The following NEB variants were observed in gnomAD, a reference collection of about 807,000 sequenced individuals.
NEB encodes nebulin.
In NEB, 512 loss-of-function variants were observed where a neutral mutation model predicts 952.2. The observed-to-expected ratio is 0.54, with a 90% CI of 0.50 to 0.58. The LOEUF is 0.58. Ranked by LOEUF, NEB falls within the 20% of genes least tolerant of loss-of-function variation. The probability of loss-of-function intolerance (pLI) is 0.00; values close to 1 mark genes in which losing one functional copy is unlikely to be tolerated. For synonymous variants in NEB, 2,900 were observed against 3,149.8 expected (o/e 0.92, Z 2.66); for missense variants, 8,428 against 9,231.1 (o/e 0.91, Z 3.56).
chr2:151,550,251 A>G (rs949105356), intron 129 of NEB, among the ~76,000 whole-genome samples: 1 of 126,870 alleles, frequency 7.9e-6, no homozygotes, highest in African/African-American at 3.0e-5. Context: ...TGGGAGACAG[A>G]GGAGACCCTG....
chr2:151,571,239 C>T (rs1346669656), intron 107 of NEB, among the ~76,000 whole-genome samples: 1 of 152,194 alleles, frequency 6.6e-6, no homozygotes, highest in Non-Finnish European at 1.5e-5. Flanking sequence ...TCCTGACCCT[C>T]AGGTGATCCA....
At chr2:151,635,369 A>C (rs1417917631) in intron 64 of NEB, among the ~76,000 whole-genome samples, 1 of 152,118 alleles carries the variant, frequency 6.6e-6, no homozygotes, top group Non-Finnish European at 1.5e-5. Flanking sequence ...TCCCTGAGGC[A>C]CCAGAAAAGG....
chr2:151,631,485 G>A, intron 65 of NEB, 139 bp from the exon 66 acceptor site: 2 of 913,358 alleles, frequency 2.2e-6, no homozygotes, highest in South Asian at 2.1e-5. Context: ...CAAACTAAAA[G>A]AATTATGCTC....
intron 20 of NEB, among the ~76,000 whole-genome samples, chr2:151,692,864 G>T (rs2099569576): frequency 6.6e-6 from 1 of 152,116 alleles, no homozygotes; most frequent in Non-Finnish European, 1.5e-5. Context: ...CAGCTACTTG[G>T]GAGGCTGAGG....
chr2:151,698,061 G>A (rs1377234756), intron 13 of NEB, among the ~76,000 whole-genome samples: 6 of 112,606 alleles, frequency 5.3e-5, no homozygotes, highest in Admixed American at 1.0e-4. Context: ...GCGAGACTCC[G>A]TCTCAAAACA....
At chr2:151,515,221 ACT>A (rs1300659830) in intron 157 of NEB, among the ~76,000 whole-genome samples, 1 of 152,054 alleles carries the variant, frequency 6.6e-6, no homozygotes, top group African/African-American at 2.4e-5. Flanking sequence ...CACCATCAGG[ACT>A]CTGAATCCTC....
rs1385355666 is a variant in NEB, at chr2:151,677,783, G to T, written c.3568-12C>A. 6.2e-7 allele frequency: 1 copy of T among 1,613,716 alleles called. No individual in the cohort carries two copies. Among genetic ancestry groups the T allele is most frequent in the Admixed American group, 1.7e-5 (1 of 60,022 alleles). On this transcript the variant is annotated splice_polypyrimidine_tract_variant and intron_variant, in intron 33 of 181. Transcript: ENST00000397345. Reference sequence around the variant, plus strand: ...TCCTTGTAGACGTTCTACAGCAATGGAGAAAAGAGGAGTGAGGGCCTAGGA... The same window carrying T: ...TCCTTGTAGACGTTCTACAGCAATGTAGAAAAGAGGAGTGAGGGCCTAGGA...
chr2:151,535,586 G>A (rs2093007405), intron 142 of NEB, 105 bp downstream of exon 142: 1 of 638,526 alleles, frequency 1.6e-6, no homozygotes, highest in Non-Finnish European at 2.6e-6. Flanking sequence ...GAAAACTTAG[G>A]ATGGCTTTCC....
intron 96 of NEB, 141 bp downstream of exon 96, chr2:151,591,207 T>TAC (rs758114159): frequency 3.4e-6 from 2 of 580,638 alleles, no homozygotes; most frequent in African/African-American, 2.3e-5. Flanking sequence ...ATTGTAAGAG[T>TAC]TGTTCTTGAA....
At chr2:151,547,587 A>C in intron 132 of NEB, 47 bp downstream of exon 132, 1 of 1,603,062 alleles carries the variant, frequency 6.2e-7, no homozygotes, top group Non-Finnish European at 8.5e-7. Context: ...AATGATTAAC[A>C]TTCATCCCTA....
chr2:151,609,526 C>T lies in NEB; in HGVS notation c.12330+283G>A, dbSNP rs545129051. ...ATTAGATTCCATTTTAATCCTGTGGCAATTGACCCAAGGAAATGCTGTTTA... is the reference window on the plus strand; with the variant it reads ...ATTAGATTCCATTTTAATCCTGTGGTAATTGACCCAAGGAAATGCTGTTTA... On this transcript the variant is annotated intron_variant, in intron 81 of 181. Transcript: ENST00000397345. 4.1e-3 allele frequency among the ~76,000 whole-genome samples: 625 copies of T among 152,200 alleles called. 3 individuals are homozygous for T. Among genetic ancestry groups the T allele is most frequent in the African/African-American group, 0.014 (588 of 41,532 alleles).
At chr2:151,500,261 A>G (rs1227608703) in intron 168 of NEB, among the ~76,000 whole-genome samples, 1 of 152,162 alleles carries the variant, frequency 6.6e-6, no homozygotes, top group East Asian at 1.9e-4. Context: ...TCAAAGAATC[A>G]AACTTTTAGA....
At chr2:151,685,727 C>A (rs1265123012) in intron 27 of NEB, among the ~76,000 whole-genome samples, 1 of 152,196 alleles carries the variant, frequency 6.6e-6, no homozygotes, top group Non-Finnish European at 1.5e-5. Context: ...CTAGTTGGGT[C>A]AAATTCCCAG....
At position 151,526,918 on chromosome 2, in the gene NEB, A is replaced by G; in HGVS notation, c.21945T>C (p.Asp7315=). 1 of 1,580,292 alleles carries G rather than the reference A, an allele frequency of 6.3e-7. No individual in the cohort carries two copies. The highest frequency in any genetic ancestry group is 8.6e-7 in the Non-Finnish European group (1 of 1,158,618). The part of the protein sequence containing the change: ...LALRNTLIES[D]LKYKEKHVKE... ...ATCATGGAAGGAACTAGGTACTTAC[A>G]TCACTTTCTATTAAAGTATTCCTGA... is the stretch of plus-strand genomic sequence containing the variant. The change falls in exon 148 of 182, where the codon GAT becomes GAC. Residue 7315 remains aspartate (D), a splice_region_variant and synonymous_variant. Transcript: ENST00000397345.
Position 151,655,859 on chromosome 2 carries a change from C to T in NEB, c.6660G>A (p.Met2220Ile), listed in dbSNP as rs199766131. Residue 2220 changes from methionine (M) to isoleucine (I), a missense_variant, in exon 50 of 182, where the codon ATG becomes ATA. Transcript: ENST00000397345. ...NFQFKKLTDS[M>I]DMVLAKQNAH... Reference sequence around the variant, plus strand: ...CATTCTGCTTGGCAAGCACCATGTCCATGGAATCAGTCAGCTTCTTAAACT... The same window carrying T: ...CATTCTGCTTGGCAAGCACCATGTCTATGGAATCAGTCAGCTTCTTAAACT... 5.0e-6 allele frequency: 8 copies of T among 1,613,746 alleles called. No homozygotes were observed. The highest frequency in any genetic ancestry group is 6.8e-6 in the Non-Finnish European group (8 of 1,179,760).
At position 151,607,217 on chromosome 2, in the gene NEB, T is replaced by A. The variant is rs1425237514; in HGVS notation, c.12639+287A>T. On this transcript the variant is annotated intron_variant, in intron 83 of 181. Transcript: ENST00000397345. ...TCAAATGAAAAAGTCCTGGATCAAT[T>A]AAAAAAACCTAAGATGATAACAGAG... 2.6e-4 allele frequency among the ~76,000 whole-genome samples: 27 copies of A among 103,350 alleles called. 8 individuals are homozygous for A. Among genetic ancestry groups the A allele is most frequent in the Admixed American group, 9.1e-4 (7 of 7,734 alleles). The allele number at this position is 103,350 out of a possible 152,430, so 67.8% of individuals were successfully genotyped here.
intron 12 of NEB, among the ~76,000 whole-genome samples, chr2:151,709,439 T>C (rs1466299201): frequency 2.0e-5 from 3 of 152,236 alleles, no homozygotes; most frequent in African/African-American, 7.2e-5. Flanking sequence ...GCAAAACATT[T>C]TTAGTAGCCC....
intron 127 of NEB, among the ~76,000 whole-genome samples, chr2:151,553,131 T>A (rs2095433699): frequency 6.6e-6 from 1 of 152,188 alleles, no homozygotes; most frequent in South Asian, 2.1e-4. Flanking sequence ...TAAGTGCTTG[T>A]TAATATATCC....
chr2:151,561,087 G>A lies in NEB; in HGVS notation c.19123C>T (p.His6375Tyr). 1.3e-6 allele frequency: 2 copies of A among 1,594,582 alleles called. No homozygotes were observed. The highest frequency in any genetic ancestry group is 1.7e-6 in the Non-Finnish European group (2 of 1,168,454). ...GTTGTGTATTTGTCCTTAATCTGAT[G>A]ATAATTTTCTTTATATTTTACCTGT... ...ASEVKYKENY[H>Y]QIKDKYTTVL... Residue 6375 changes from histidine (H) to tyrosine (Y), a missense_variant, in exon 123 of 182, where the codon CAT becomes TAT. Physicochemically the swap from His to Tyr is moderately conservative, Grantham distance 83. This residue lies in a region of NEB where 3,374 missense variants were observed against 3,651.5 expected (regional missense o/e 0.92). Coordinates refer to ENST00000397345, the MANE Select transcript of NEB (RefSeq NM_001164508.2).
Sources: allele counts gnomAD v4.1 joint callset (sites outside exome capture counted in the v4.1 genomes callset), GRCh38; gene constraint gnomAD v4.1.1; regional missense constraint gnomAD v4.1.1; transcripts MANE v1.5; gene names NCBI Gene and HGNC (gene_info 2026-07-23, HGNC 2026-07-21).